ZNF341: variants seen among roughly 807,000 people sequenced by gnomAD.
The protein encoded by ZNF341 is zinc finger protein 341.
ZNF341 carries 52 observed loss-of-function variants against 87.7 expected under a neutral mutation model. The ratio of observed to expected loss-of-function variants is 0.59; its 90% CI spans 0.47 to 0.75. The LOEUF is 0.75. Ranked by LOEUF, ZNF341 falls within the 30% of genes least tolerant of loss-of-function variation. ZNF341 has a pLI of 0.00. For synonymous variants in ZNF341, 459 were observed against 472.7 expected (o/e 0.97, Z 0.38); for missense variants, 977 against 1,145.9 (o/e 0.85, Z 2.13).
In ZNF341 at chr20:33,732,161, G is replaced by A; in HGVS notation, c.31+109G>A. 1 of 896,698 alleles carries A rather than the reference G, an allele frequency of 1.1e-6. No individual in the cohort carries two copies. The highest frequency in any genetic ancestry group is 1.3e-6 in the Non-Finnish European group (1 of 748,744). 55.5% of individuals were successfully genotyped at this position (896,698 alleles called of 1,614,324 possible). A position where few individuals can be genotyped will look rare whatever the true frequency, so the allele number is the denominator to read the frequency against. ...GCGCAGCGGCCGCGGGGCGGAGGGC[G>A]CCGGGGCTGGAACAGCCGCGGGGCG... On this transcript the variant is annotated intron_variant, in intron 1 of 14. Coordinates refer to ENST00000375200, the MANE Select transcript of ZNF341 (RefSeq NM_001282933.2). This position sits in a 1 kb window ranked among gnomAD's most constrained non-coding sequence, Gnocchi z 4.5.
chr20:33,748,943 G>A lies in ZNF341; in HGVS notation c.360G>A (p.Val120=), dbSNP rs1210879051. 1 of 1,613,564 alleles carries A rather than the reference G, an allele frequency of 6.2e-7. No homozygotes were observed. Among genetic ancestry groups the A allele is most frequent in the Non-Finnish European group, 8.5e-7 (1 of 1,179,794 alleles). Residue 120 remains valine (V), a synonymous_variant, in exon 4 of 15, where the codon GTG becomes GTA. Coordinates refer to ENST00000375200, the MANE Select transcript of ZNF341 (RefSeq NM_001282933.2). ...TCCAGATCTCCACATACATCACAGT[G>A]CCCCCGTCCCCACTGATCCAGACCC... ...ANRQISTYIT[V]PPSPLIQTLV...
At chr20:33,783,690 G>C (rs774979232) in intron 11 of ZNF341, 42 bp from the exon 12 acceptor site, 6 of 1,612,888 alleles carry the variant, frequency 3.7e-6, no homozygotes, top group Non-Finnish European at 5.1e-6. Flanking sequence ...CAGGGGAGGG[G>C]GGCCCGGTGA....
At chr20:33,757,787 A>G (rs1408769064) in intron 6 of ZNF341, among the ~76,000 whole-genome samples, 2 of 152,342 alleles carry the variant, frequency 1.3e-5, no homozygotes, top group East Asian at 3.9e-4. Flanking sequence ...ACTTAGTCAC[A>G]TGGCCATACC....
intron 12 of ZNF341, among the ~76,000 whole-genome samples, chr20:33,785,327 C>T (rs2019831717): frequency 6.6e-6 from 1 of 151,942 alleles, no homozygotes; most frequent in African/African-American, 2.4e-5. Context: ...TTGTCCTTTT[C>T]AATTTTAGTT....
At chr20:33,764,505 G>C (rs1288765860) in intron 8 of ZNF341, among the ~76,000 whole-genome samples, 1 of 133,318 alleles carries the variant, frequency 7.5e-6, no homozygotes, top group Non-Finnish European at 1.6e-5. Context: ...ATATGTGTGT[G>C]TATATATATA....
intron 4 of ZNF341, among the ~76,000 whole-genome samples, chr20:33,752,909 A>C (rs980632894): frequency 2.5e-5 from 3 of 118,656 alleles, no homozygotes; most frequent in Non-Finnish European, 5.1e-5. Context: ...TCAGCTCCCA[A>C]AGTGTTGGGA....
chr20:33,748,746 G>A (rs1401965498), intron 3 of ZNF341, among the ~76,000 whole-genome samples, 177 bp from the exon 4 acceptor site: 1 of 152,172 alleles, frequency 6.6e-6, no homozygotes, highest in African/African-American at 2.4e-5. Context: ...ACAGCAGGGA[G>A]CAGCAGAGGT....
chr20:33,765,832 G>A (rs373858242), intron 8 of ZNF341, among the ~76,000 whole-genome samples: 1 of 152,212 alleles, frequency 6.6e-6, no homozygotes, highest in East Asian at 1.9e-4. Flanking sequence ...GTCAAGGAAA[G>A]TGAGGAACAG....
At chr20:33,754,968 A>G (rs1388972104) in intron 5 of ZNF341, among the ~76,000 whole-genome samples, 1 of 152,192 alleles carries the variant, frequency 6.6e-6, no homozygotes, top group African/African-American at 2.4e-5. Context: ...TTTGAGACAG[A>G]GTCTCACTCT....
At chr20:33,788,312 A>C (rs918872600) in intron 12 of ZNF341, 1 of 163,728 alleles carries the variant, frequency 6.1e-6, no homozygotes, top group African/African-American at 2.4e-5. Flanking sequence ...CCATCTACTC[A>C]GGAGGCTGAG....
chr20:33,749,598 A>G (rs112911957), intron 4 of ZNF341, among the ~76,000 whole-genome samples: 3,707 of 150,868 alleles, frequency 0.025, 155 homozygotes, highest in African/African-American at 0.085. Context: ...TGCCCAGCCA[A>G]TTTTTGTATT....
At chr20:33,781,586 C>T (rs1423357953) in intron 11 of ZNF341, among the ~76,000 whole-genome samples, 199 bp downstream of exon 11, 1 of 152,198 alleles carries the variant, frequency 6.6e-6, no homozygotes, top group African/African-American at 2.4e-5. Flanking sequence ...CATGTCGGGG[C>T]TGCTGCTGGA....
In ZNF341 at chr20:33,764,543, G is replaced by GTATATATATATATATA. The variant is rs1171402724; in HGVS notation, c.1223-2304_1223-2289dup. On this transcript the variant is annotated intron_variant, in intron 8 of 14. Coordinates refer to ENST00000375200, the MANE Select transcript of ZNF341 (RefSeq NM_001282933.2). ...TATATATATGTGTGTGTGTGTATGT[G>GTATATATATATATATA]TATATATATATATATATATTTTTTT... Among the ~76,000 whole-genome samples, 329 of 69,244 alleles carry GTATATATATATATATA rather than the reference G, an allele frequency of 4.8e-3. 11 individuals are homozygous for GTATATATATATATATA. Among genetic ancestry groups the GTATATATATATATATA allele is most frequent in the East Asian group, 0.042 (33 of 786 alleles). The allele number at this position is 69,244 out of a possible 152,430, so 45.4% of individuals were successfully genotyped here.
At chr20:33,790,380 C>T (rs1363421493) in intron 14 of ZNF341, among the ~76,000 whole-genome samples, 2 of 152,044 alleles carry the variant, frequency 1.3e-5, no homozygotes, top group Non-Finnish European at 2.9e-5. Context: ...GGCCTGTAAT[C>T]CTGTAGATAA....
At chr20:33,745,062 A>G (rs2122644784) in intron 2 of ZNF341, 41 bp from the exon 3 acceptor site, 1 of 1,569,228 alleles carries the variant, frequency 6.4e-7, no homozygotes, top group Non-Finnish European at 8.7e-7. Flanking sequence ...CTTTACCTTC[A>G]TCTGTGGCCT....
Position 33,758,709 on chromosome 20 carries a change from C to A in ZNF341, c.938-7C>A. On this transcript the variant is annotated splice_region_variant and splice_polypyrimidine_tract_variant and intron_variant, in intron 6 of 14. Transcript: ENST00000375200. The stretch of plus-strand genomic sequence containing the variant: ...CTCATTGTCCCCTCCTTCCACTTGT[C>A]TTTCAGCTGCAGGGAAGCCAAAGGC... 2 of 1,612,524 alleles carry A rather than the reference C, an allele frequency of 1.2e-6. No homozygotes were observed. The highest frequency in any genetic ancestry group is 1.7e-6 in the Non-Finnish European group (2 of 1,179,278).
intron 12 of ZNF341, among the ~76,000 whole-genome samples, chr20:33,784,192 G>A (rs1283281635): frequency 1.6e-3 from 21 of 12,860 alleles, no homozygotes; most frequent in African/African-American, 8.0e-3. Flanking sequence ...CCCTCCCTCC[G>A]CCTCCTCACC....
rs144552809 is a variant in ZNF341 at position 33,781,322 on chromosome 20, C to T, written c.1654C>T (p.Pro552Ser). 1.9e-6 allele frequency: 3 copies of T among 1,613,992 alleles called. No individual in the cohort carries two copies. The African/African-American group carries it at 4.0e-5, about 22-fold the overall frequency. The change falls in exon 11 of 15, where the codon CCT becomes TCT. Residue 552 changes from proline (P) to serine (S), a missense_variant. Around this residue, in one of 3 missense-constraint regions of ZNF341, gnomAD observed 241 missense variants for 335.0 expected, o/e 0.72. Coordinates refer to ENST00000375200, the MANE Select transcript of ZNF341 (RefSeq NM_001282933.2). ...CAAATGTGTCAACAAATACTCCACC[C>T]CTGAGGCCCTGGAGCACCACCTGCA... The part of the protein sequence containing the change: ...CVKCVNKYST[P>S]EALEHHLQTA...
chr20:33,769,179 G>A (rs1299887137), intron 9 of ZNF341, among the ~76,000 whole-genome samples: 1 of 152,102 alleles, frequency 6.6e-6, no homozygotes, highest in Non-Finnish European at 1.5e-5. Flanking sequence ...TCAATGGAAA[G>A]TAGTCAGAAG....
Sources: allele counts gnomAD v4.1 joint callset (sites outside exome capture counted in the v4.1 genomes callset), GRCh38; gene constraint gnomAD v4.1.1; regional missense constraint gnomAD v4.1.1; non-coding constraint Gnocchi (gnomAD v3.1); transcripts MANE v1.5; gene names NCBI Gene and HGNC (gene_info 2026-07-23, HGNC 2026-07-21).